Variants in CPSF1 observed in about 807,000 individuals in gnomAD.
The protein encoded by CPSF1 is cleavage and polyadenylation specificity factor subunit 1.
A neutral mutation model predicts 175.8 loss-of-function variants in CPSF1; 106 were observed. The observed-to-expected ratio is 0.60, with a 90% confidence interval of 0.52 to 0.71. CPSF1 has a LOEUF of 0.71. CPSF1 is among the 30% of genes least tolerant of loss of function. The pLI, the probability that CPSF1 is intolerant of heterozygous loss-of-function variation, is 0.00. For synonymous variants in CPSF1, 1,024 were observed against 858.3 expected, an observed-to-expected ratio of 1.19 and a Z score of -3.37; for missense variants, 1,734 against 2,022.9, an observed-to-expected ratio of 0.86 and a Z score of 2.74.
intron 2 of CPSF1, among the ~76,000 whole-genome samples, chr8:144,407,183 G>A (rs1310069885): frequency 6.6e-5 from 10 of 150,414 alleles, no homozygotes; most frequent in Admixed American, 2.0e-4. Context: ...CTCCCAAAGC[G>A]CTAAGATGAT....
At chr8:144,405,100 G>A (rs1198317454) in intron 2 of CPSF1, among the ~76,000 whole-genome samples, 8 of 151,874 alleles carry the variant, frequency 5.3e-5, no homozygotes, top group Non-Finnish European at 1.0e-4. Flanking sequence ...TGAATAAGAG[G>A]ACGTTTACAG....
At position 144,400,189 on chromosome 8, in the gene CPSF1, G is replaced by T; in HGVS notation, c.914C>A (p.Thr305Lys). The T allele has an allele frequency of 6.4e-7, 1 of 1,563,140 alleles. No individual in the cohort carries two copies. The part of the protein sequence containing the change: ...PYGVALNSLT[T>K]GTTAFPLRTQ... ...ACGAAGCGGGAAAGCCGTGGTTCCT[G>T]TGGTGAGGCTGTTGAGAGCCACGCC... is the stretch of plus-strand genomic sequence containing the variant. The change falls in exon 9 of 38, where the codon ACA becomes AAA. Residue 305 changes from threonine (T) to lysine (K), a missense_variant. Around this residue, in one of 10 missense-constraint regions of CPSF1, gnomAD observed 61 missense variants for 104.0 expected, o/e 0.59. Transcript: ENST00000616140.
At chr8:144,402,357 A>G (rs2116890737) in intron 2 of CPSF1, among the ~76,000 whole-genome samples, 35 of 151,998 alleles carry the variant, frequency 2.3e-4, no homozygotes, top group African/African-American at 7.2e-4. Context: ...ACCCAGGCTG[A>G]AGTGCAGTGG....
At chr8:144,400,644 G>A (rs1006984064) in intron 7 of CPSF1, 27 bp downstream of exon 7, 2 of 1,598,588 alleles carry the variant, frequency 1.3e-6, no homozygotes, top group East Asian at 4.5e-5. Context: ...GGCCCACAGT[G>A]CAGAGGGGCC....
At position 144,393,669 on chromosome 8, in the gene CPSF1, G is replaced by A. The variant is rs1343339724; in HGVS notation, c.4143C>T (p.Phe1381=). 16 of 1,564,208 alleles carry A rather than the reference G, an allele frequency of 1.0e-5. No homozygotes were observed. The highest frequency in any genetic ancestry group is 1.4e-5 in the Non-Finnish European group (16 of 1,161,718). ...ACGGGGGCGGGGCCGGGGCTCACCG[G>A]AAGGCGCGGGGGTTGAGGCCGGCGT... ...PHHAGLNPRA[F]RMLHVDRRTL... is the part of the protein sequence containing the mutation. Residue 1381 remains phenylalanine (F), a splice_region_variant and synonymous_variant, in exon 36 of 38, where the codon TTC becomes TTT. Coordinates refer to ENST00000616140, the MANE Select transcript of CPSF1 (RefSeq NM_013291.3).
intron 1 of CPSF1, 51 bp downstream of exon 1, chr8:144,409,238 G>A (rs1223201333): frequency 1.3e-5 from 16 of 1,270,004 alleles, no homozygotes; most frequent in East Asian, 3.0e-5. Flanking sequence ...CCCGCACCGC[G>A]CCCCTCCCCG....
In CPSF1 at chr8:144,401,045, G is replaced by A. The variant is rs2116880875; in HGVS notation, c.418C>T (p.Arg140Ter). ...DGFVQNVHTP[R>*]VRVDPDGRCA... Reference sequence around the variant, plus strand: ...CGCCCGTCGGGGTCCACCCGCACTCGCGGCGTGTGTACATTCTGCACAAAC... The same window carrying A: ...CGCCCGTCGGGGTCCACCCGCACTCACGGCGTGTGTACATTCTGCACAAAC... Residue 140 changes from arginine to a stop codon, truncating the protein, a stop_gained, in exon 6 of 38, where the codon CGA becomes TGA. Transcript: ENST00000616140. LOFTEE classifies it high-confidence loss of function. 1.2e-6 allele frequency: 2 copies of A among 1,607,932 alleles called. No homozygotes were observed. Among genetic ancestry groups the A allele is most frequent in the Non-Finnish European group, 8.5e-7 (1 of 1,176,794 alleles).
In CPSF1 at chr8:144,394,195, C is replaced by T. The variant is rs1327403764; in HGVS notation, c.3812-35G>A. On this transcript the variant is annotated intron_variant, in intron 33 of 37. Coordinates refer to ENST00000616140, the MANE Select transcript of CPSF1 (RefSeq NM_013291.3). ...AGAGGCCCAGGGTCAGCCCCGGCCA[C>T]CCCCAGAGCCTCAGCTCCCCAGGGC... 4 of 1,611,862 alleles carry T rather than the reference C, an allele frequency of 2.5e-6. No homozygotes were observed. The African/African-American group carries it at 4.0e-5, about 16-fold the overall frequency.
intron 26 of CPSF1, 56 bp from the exon 27 acceptor site, chr8:144,395,607 G>A (rs1820677069): frequency 6.9e-7 from 1 of 1,457,644 alleles, no homozygotes. Context: ...GCAGGGGCAG[G>A]CAGGCCCAGG....
At position 144,399,236 on chromosome 8, in the gene CPSF1, G is replaced by A. The variant is rs2116860723; in HGVS notation, c.1393-34C>T. ...CAGCAAGAGTCAGGGGCCCGCTGGG[G>A]GCGCTGGCTGGGACGGGGGCCCTGC... On this transcript the variant is annotated intron_variant, in intron 14 of 37. Coordinates refer to ENST00000616140, the MANE Select transcript of CPSF1 (RefSeq NM_013291.3). The surrounding 1 kb of genome is among the most constrained non-coding windows in gnomAD (Gnocchi z 6.4). 6.2e-7 allele frequency: 1 copy of A among 1,611,946 alleles called. No individual in the cohort carries two copies. Among genetic ancestry groups the A allele is most frequent in the South Asian group, 1.1e-5 (1 of 90,836 alleles).
chr8:144,393,575 G>A lies in CPSF1; in HGVS notation c.4161C>T (p.Asp1387=), dbSNP rs1331544264. The A allele has an allele frequency of 1.9e-6, 3 of 1,604,826 alleles. No homozygotes were observed. Among genetic ancestry groups the A allele is most frequent in the Non-Finnish European group, 2.5e-6 (3 of 1,177,856 alleles). ...GCACGGCATTCTGGAGGGTGCGGCG[G>A]TCCACGTGCAGCATCCTGGGGCGTA... is the stretch of plus-strand genomic sequence containing the variant. ...NPRAFRMLHV[D]RRTLQNAVRN... The change falls in exon 37 of 38, where the codon GAC becomes GAT. Residue 1387 remains aspartate (D), a synonymous_variant. Transcript: ENST00000616140.
chr8:144,406,029 T>C (rs1430807584), intron 2 of CPSF1, among the ~76,000 whole-genome samples: 1 of 152,164 alleles, frequency 6.6e-6, no homozygotes, highest in African/African-American at 2.4e-5. Context: ...TCTGCGATTA[T>C]GATAAAAGAC....
rs1170351014 is a variant in CPSF1, at chr8:144,398,653, G to C, written c.1639-15C>G. 2 of 1,612,938 alleles carry C rather than the reference G, an allele frequency of 1.2e-6. No homozygotes were observed. The highest frequency in any genetic ancestry group is 1.7e-6 in the Non-Finnish European group (2 of 1,179,440). On this transcript the variant is annotated splice_polypyrimidine_tract_variant and intron_variant, in intron 17 of 37. Coordinates refer to ENST00000616140, the MANE Select transcript of CPSF1 (RefSeq NM_013291.3). ...GGATTGTCCTCCTGTCAGGGCCAAA[G>C]GGGGGCAGGCTGGAAGCCACAGTCC...
In CPSF1 at chr8:144,396,721, G is replaced by A; in HGVS notation, c.2703C>T (p.Phe901=). 1 of 1,613,998 alleles carries A rather than the reference G, an allele frequency of 6.2e-7. No homozygotes were observed. The highest frequency in any genetic ancestry group is 1.1e-5 in the South Asian group (1 of 91,090). Residue 901 remains phenylalanine, a synonymous_variant, in exon 25 of 38, where the codon TTC becomes TTT. Coordinates refer to ENST00000616140, the MANE Select transcript of CPSF1 (RefSeq NM_013291.3). ...RFKKVPHNIN[F]REKKPKPSKK... ...TGGATGGCTTTGGCTTCTTCTCACG[G>A]AAGTTGATGTTGTGAGGGACCTGGG... is the stretch of plus-strand genomic sequence containing the variant.
At position 144,395,441 on chromosome 8, in the gene CPSF1, C is replaced by T; in HGVS notation, c.3090G>A (p.Glu1030=). The change falls in exon 27 of 38, where the codon GAG becomes GAA. Residue 1030 remains glutamate, a synonymous_variant. Coordinates refer to ENST00000616140, the MANE Select transcript of CPSF1 (RefSeq NM_013291.3). ...GGTGGGGGTGGGGGCAGACCTTAGA[C>T]TCCACGTGGTAAGCCACATAGTGGG... ...CTAHYVAYHV[E]SKVYAVATST... is the part of the protein sequence containing the mutation. 6.2e-7 allele frequency: 1 copy of T among 1,613,066 alleles called. No homozygotes were observed.
Position 144,400,923 on chromosome 8 carries a change from C to G in CPSF1, c.539+1G>C. 2 of 1,603,462 alleles carry G rather than the reference C, an allele frequency of 1.2e-6. No homozygotes were observed. Among genetic ancestry groups the G allele is most frequent in the Non-Finnish European group, 1.7e-6 (2 of 1,174,542 alleles). On this transcript the variant is annotated splice_donor_variant, in intron 6 of 37. Transcript: ENST00000616140. LOFTEE classifies it high-confidence loss of function. Reference sequence around the variant, plus strand: ...CACAGCCTGCCTCAGCTGGCACTCACCCCTCACCCACGAGCCCCTCGTGCT... The same window carrying G: ...CACAGCCTGCCTCAGCTGGCACTCAGCCCTCACCCACGAGCCCCTCGTGCT...
In CPSF1 at chr8:144,400,141, C is replaced by CCT. The variant is rs1205411506; in HGVS notation, c.937+24_937+25insAG. On this transcript the variant is annotated intron_variant, in intron 9 of 37. Transcript: ENST00000616140. Reference sequence around the variant, plus strand: ...AGGCCCAAGCCGTCCCCGGGCCCCCCCCGCCCCAGCCACCCCACACTCACG... The same window carrying CCT: ...AGGCCCAAGCCGTCCCCGGGCCCCCCCTCCGCCCCAGCCACCCCACACTCACG... 79 of 1,254,216 alleles carry CCT rather than the reference C, an allele frequency of 6.3e-5. 4 individuals carry two copies. The highest frequency in any genetic ancestry group is 3.0e-4 in the South Asian group (22 of 72,964). 77.7% of individuals were successfully genotyped at this position (1,254,216 alleles called of 1,614,324 possible).
At chr8:144,400,135 G>GGGGGCCCCCCCCCCCC in intron 9 of CPSF1, 31 bp downstream of exon 9, 12 of 895,934 alleles carry the variant, frequency 1.3e-5, no homozygotes, top group Non-Finnish European at 1.6e-5. Context: ...CCGTCCCCGG[G>GGGGGCCCCCCCCCCCC]CCCCCCCCGC....
At chr8:144,409,215 G>C in intron 1 of CPSF1, 43 bp from the exon 2 acceptor site, 2 of 1,460,012 alleles carry the variant, frequency 1.4e-6, no homozygotes, top group Non-Finnish European at 1.8e-6. Context: ...GGTCGCCCAC[G>C]CAGGAGCCCG....
Sources: gnomAD v4.1 joint callset for allele counts (sites outside exome capture counted in the v4.1 genomes callset) on GRCh38, gnomAD v4.1.1 for gene constraint, gnomAD v4.1.1 regional missense constraint, Gnocchi (gnomAD v3.1) non-coding constraint, MANE v1.5 for transcripts, NCBI Gene and HGNC (gene_info 2026-07-23, HGNC 2026-07-21) for gene names.